The following FNDC3B variants were observed in gnomAD, a reference collection of about 807,000 sequenced individuals.
FNDC3B encodes fibronectin type III domain containing 3B, also known as fibronectin type III domain-containing protein 3B.
A neutral mutation model predicts 151.5 loss-of-function variants in FNDC3B; 12 were observed. That is an observed-to-expected ratio of 0.08 (90% CI 0.05 to 0.13). The LOEUF is 0.13. FNDC3B is among the 10% of genes least tolerant of loss of function. The pLI is 1.00. For synonymous variants in FNDC3B, 528 were observed against 549.0 expected (o/e 0.96, Z 0.54); for missense variants, 1,214 against 1,505.3 (o/e 0.81, Z 3.20).
At chr3:172,050,700 C>CGTGTGTGTGT (rs71975191) in intron 1 of FNDC3B, among the ~76,000 whole-genome samples, 81 of 145,076 alleles carry the variant, frequency 5.6e-4, no homozygotes, top group African/African-American at 2.0e-3. Context: ...GGTATATTTT[C>CGTGTGTGTGT]GTGTGTGTGT....
intron 2 of FNDC3B, among the ~76,000 whole-genome samples, chr3:172,114,057 A>G (rs1259952764): frequency 6.6e-6 from 1 of 152,140 alleles, no homozygotes; most frequent in Non-Finnish European, 1.5e-5. Context: ...CAGTCTCCAC[A>G]TAGATCCTGA....
At chr3:172,066,679 G>A (rs1439538502) in intron 1 of FNDC3B, among the ~76,000 whole-genome samples, 2 of 152,222 alleles carry the variant, frequency 1.3e-5, no homozygotes, top group South Asian at 4.1e-4. Context: ...TGGTTACTGA[G>A]TAACTTGGGA....
intron 3 of FNDC3B, among the ~76,000 whole-genome samples, chr3:172,216,503 C>CA (rs1192999389): frequency 6.6e-6 from 1 of 151,850 alleles, no homozygotes; most frequent in Non-Finnish European, 1.5e-5. Context: ...CACATCTCTA[C>CA]AAAAAAATAC....
chr3:172,238,772 C>A (rs1437504373), intron 4 of FNDC3B, among the ~76,000 whole-genome samples: 1 of 152,176 alleles, frequency 6.6e-6, no homozygotes, highest in Non-Finnish European at 1.5e-5. Context: ...TGCATTTGTA[C>A]TCCTGATTGG....
At position 172,346,924 on chromosome 3, in the gene FNDC3B, G is replaced by A. The variant is rs368834354; in HGVS notation, c.2365-288G>A. On this transcript the variant is annotated intron_variant, in intron 20 of 25. Transcript: ENST00000415807. ...TCACTGTGTTGGCCAGGCTGGTCTC[G>A]AACTCCTTATCTTAGGCAATCCACC... Among the ~76,000 whole-genome samples, 67 of 152,012 alleles carry A rather than the reference G, an allele frequency of 4.4e-4. No individual in the cohort carries two copies. The East Asian group carries it at 0.011, about 26-fold the overall frequency.
chr3:172,179,016 A>G (rs1421252449), intron 3 of FNDC3B, among the ~76,000 whole-genome samples: 1 of 152,182 alleles, frequency 6.6e-6, no homozygotes, highest in East Asian at 1.9e-4. Context: ...TTGCTATTCC[A>G]TAGAGGTTAG....
At chr3:172,279,105 C>G (rs1729573489) in intron 6 of FNDC3B, among the ~76,000 whole-genome samples, 1 of 151,976 alleles carries the variant, frequency 6.6e-6, no homozygotes, top group African/African-American at 2.4e-5. Context: ...TCCATGTTGC[C>G]TCTCTTATTA....
intron 15 of FNDC3B, 152 bp downstream of exon 15, chr3:172,335,234 C>A: frequency 1.7e-6 from 1 of 592,436 alleles, no homozygotes; most frequent in Non-Finnish European, 2.7e-6. Context: ...TGAGAAACAT[C>A]CTGAGAATTC....
intron 3 of FNDC3B, among the ~76,000 whole-genome samples, chr3:172,189,455 T>G (rs1724386450): frequency 6.6e-6 from 1 of 152,218 alleles, no homozygotes; most frequent in South Asian, 2.1e-4. Flanking sequence ...TCTGTTCTAT[T>G]TTTGGAGTAT....
At chr3:172,041,433 CCT>C (rs1366929996) in intron 1 of FNDC3B, among the ~76,000 whole-genome samples, 8 of 141,556 alleles carry the variant, frequency 5.7e-5, no homozygotes, top group African/African-American at 2.4e-4. Context: ...TTCCTTCCTT[CCT>C]TCCTTCCTTC....
intron 25 of FNDC3B, among the ~76,000 whole-genome samples, chr3:172,381,923 A>G (rs986633443): frequency 3.9e-5 from 6 of 152,234 alleles, no homozygotes; most frequent in African/African-American, 1.2e-4. Context: ...TAGTGCTGCA[A>G]TAAACATACA....
chr3:172,044,868 CA>C (rs1319933426), intron 1 of FNDC3B, among the ~76,000 whole-genome samples: 1 of 152,128 alleles, frequency 6.6e-6, no homozygotes, highest in Non-Finnish European at 1.5e-5. Flanking sequence ...AAATGATGGA[CA>C]AAAATTGAGG....
intron 8 of FNDC3B, among the ~76,000 whole-genome samples, chr3:172,297,867 T>C (rs1576885710): frequency 6.6e-6 from 1 of 152,360 alleles, no homozygotes; most frequent in South Asian, 2.1e-4. Flanking sequence ...CACAGTGTAA[T>C]TATAACTTCA....
At chr3:172,102,958 G>A (rs1719446020) in intron 1 of FNDC3B, among the ~76,000 whole-genome samples, 1 of 152,066 alleles carries the variant, frequency 6.6e-6, no homozygotes, top group African/African-American at 2.4e-5. Context: ...GTTAGCTTGG[G>A]TATGTGTGAG....
chr3:172,186,919 A>G, intron 3 of FNDC3B: 1 of 537,492 alleles, frequency 1.9e-6, no homozygotes, highest in South Asian at 2.7e-5. Context: ...ATTACCATCA[A>G]CAATGTGATT....
At position 172,401,376 on chromosome 3, in the gene FNDC3B, G is replaced by C. The variant is rs1285079; in HGVS notation, c.*3901G>C. On this transcript the variant is annotated 3_prime_UTR_variant, in exon 26 of 26. Transcript: ENST00000415807. ...GTGAGCCACAATCACATATGTCCAT[G>C]TTTCAAAAGAAGCTAAATATCCAGA... 106,771 of 152,134 alleles carry C rather than the reference G, an allele frequency of 0.7. 37,632 individuals carry two copies. The highest frequency in any genetic ancestry group is 0.86 in the East Asian group (4,441 of 5,176). The allele number at this position is 152,134 out of a possible 1,614,324, so 9.4% of individuals were successfully genotyped here.
intron 1 of FNDC3B, among the ~76,000 whole-genome samples, chr3:172,061,871 C>T (rs1717215474): frequency 6.6e-6 from 1 of 152,118 alleles, no homozygotes; most frequent in East Asian, 1.9e-4. Context: ...GGGCAAAGAA[C>T]CAAAGAGATC....
At chr3:172,325,633 T>G (rs1434549607) in intron 11 of FNDC3B, among the ~76,000 whole-genome samples, 1 of 152,182 alleles carries the variant, frequency 6.6e-6, no homozygotes, top group Non-Finnish European at 1.5e-5. Flanking sequence ...AACACGGACT[T>G]ACTCTACTCT....
At chr3:172,332,044 C>T (rs796471633) in intron 13 of FNDC3B, among the ~76,000 whole-genome samples, 7 of 152,256 alleles carry the variant, frequency 4.6e-5, no homozygotes, top group African/African-American at 1.2e-4. Flanking sequence ...AATCTTGGCC[C>T]TCTGCAACCT....
Sources: allele counts gnomAD v4.1 joint callset (sites outside exome capture counted in the v4.1 genomes callset), GRCh38; gene constraint gnomAD v4.1.1; transcripts MANE v1.5; gene names NCBI Gene and HGNC (gene_info 2026-07-23, HGNC 2026-07-21).